Variants in NBPF26 observed in about 807,000 individuals in gnomAD.
NBPF26 encodes NBPF member 26, also known as NBPF family member NBPF26.
NBPF26 carries 79 observed loss-of-function variants against 119.6 expected under a neutral mutation model. That is an observed-to-expected ratio of 0.66 (90% CI 0.55 to 0.80). The LOEUF (loss-of-function observed/expected upper bound fraction) is 0.80. NBPF26 is among the 30% of genes least tolerant of loss of function. The probability of loss-of-function intolerance (pLI) is 0.00; values close to 1 mark genes in which losing one functional copy is unlikely to be tolerated. For synonymous variants in NBPF26, 299 were observed against 457.7 expected (o/e 0.65, Z 4.43); for missense variants, 800 against 1,198.2 (o/e 0.67, Z 4.91).
chr1:120,838,514 G>T (rs1407382871), intron 27 of NBPF26, among the ~76,000 whole-genome samples: 12 of 61,080 alleles, frequency 2.0e-4, no homozygotes, highest in African/African-American at 7.4e-4. Flanking sequence ...CTCTCTGTGT[G>T]TGTGTGTGTG....
intron 1 of NBPF26, among the ~76,000 whole-genome samples, chr1:120,752,554 ATTTTTTT>A (rs1188849971): frequency 1.3e-3 from 5 of 3,746 alleles, no homozygotes; most frequent in East Asian, 9.6e-3. Context: ...ATATATATAT[ATTTTTTT>A]TTTTTTTTTT....
chr1:120,792,406 T>C (rs1651501726), intron 3 of NBPF26, among the ~76,000 whole-genome samples: 1 of 81,818 alleles, frequency 1.2e-5, no homozygotes, highest in Non-Finnish European at 2.2e-5. Flanking sequence ...CGCACATGTA[T>C]GTATGTGAGG....
chr1:120,801,826 CAAAAAAAAAAA>C (rs1168359637), intron 4 of NBPF26, among the ~76,000 whole-genome samples: 1 of 9,080 alleles, frequency 1.1e-4, no homozygotes, highest in East Asian at 2.5e-3. Context: ...GACCCTGTCT[CAAAAAAAAAAA>C]AAAAAAAAAA....
downstream of NBPF26, chr1:120,840,722 C>G (rs1652502208): frequency 3.3e-6 from 4 of 1,210,858 alleles, 1 homozygote; most frequent in African/African-American, 2.8e-5. Flanking sequence ...TGGCTCTATT[C>G]CTATTCTCAA....
chr1:120,754,108 CA>C (rs1296826715), intron 1 of NBPF26, among the ~76,000 whole-genome samples: 1 of 66,114 alleles, frequency 1.5e-5, no homozygotes, highest in East Asian at 3.7e-4. Context: ...GAGGCTGAGG[CA>C]GGAGAATGGC....
chr1:120,784,529 C>T (rs1305304047), intron 2 of NBPF26, among the ~76,000 whole-genome samples: 1 of 117,288 alleles, frequency 8.5e-6, no homozygotes, highest in Non-Finnish European at 1.6e-5. Flanking sequence ...TGATTACTCT[C>T]ACCTTATTTA....
At chr1:120,750,693 C>CT (rs1187656759) in intron 1 of NBPF26, among the ~76,000 whole-genome samples, 1 of 110,676 alleles carries the variant, frequency 9.0e-6, no homozygotes, top group Non-Finnish European at 1.7e-5. Flanking sequence ...AAGGTTGCTG[C>CT]TTTTGGGGTA....
At chr1:120,821,903 G>A (rs1321016439) in intron 15 of NBPF26, among the ~76,000 whole-genome samples, 2 of 121,660 alleles carry the variant, frequency 1.6e-5, no homozygotes, top group Admixed American at 7.9e-5. Context: ...CTGAGCACAC[G>A]CTGCCCATTT....
In NBPF26 at chr1:120,812,139, C is replaced by G. The variant is rs1306876600; in HGVS notation, c.1774+44C>G. On this transcript the variant is annotated intron_variant, in intron 10 of 29. Transcript: ENST00000620612. ...CCATCACGAAAGTGATGAACGAGGT[C>G]CTGTCTTCTCTCTGAGACACTAAAT... 5 of 1,003,636 alleles carry G rather than the reference C, an allele frequency of 5.0e-6. 1 individual carries two copies. In the African/African-American group the frequency reaches 1.3e-4, roughly 26 times the overall value. 62.2% of individuals were successfully genotyped at this position (1,003,636 alleles called of 1,614,324 possible).
Position 120,756,057 on chromosome 1 carries a change from G to C in NBPF26, c.74-7571G>C, listed in dbSNP as rs1445817419. On this transcript the variant is annotated intron_variant, in intron 1 of 29. Coordinates refer to ENST00000620612, the Ensembl canonical transcript of NBPF26. Reference sequence around the variant, plus strand: ...GATTTGAAGCTTCCGCACTTCTTCTGTTTGTTTGGATTTTTTTTTCATGGC... The same window carrying C: ...GATTTGAAGCTTCCGCACTTCTTCTCTTTGTTTGGATTTTTTTTTCATGGC... Among the ~76,000 whole-genome samples the C allele has an allele frequency of 9.9e-5, 11 of 110,918 alleles. 5 individuals are homozygous for C. Among genetic ancestry groups the C allele is most frequent in the African/African-American group, 6.0e-4 (11 of 18,424 alleles). The allele number at this position is 110,918 out of a possible 152,430, so 72.8% of individuals were successfully genotyped here.
chr1:120,776,520 A>G, intron 2 of NBPF26, among the ~76,000 whole-genome samples: 1 of 29,750 alleles, frequency 3.4e-5, no homozygotes, highest in Non-Finnish European at 5.5e-5. Flanking sequence ...AAATCTAAGA[A>G]TTCAAGAATC....
chr1:120,779,405 C>T (rs1285588504), intron 2 of NBPF26, among the ~76,000 whole-genome samples: 2 of 106,424 alleles, frequency 1.9e-5, no homozygotes, highest in Non-Finnish European at 3.6e-5. Context: ...TGGAAAAATG[C>T]TCCCCAAACC....
intron 5 of NBPF26, among the ~76,000 whole-genome samples, chr1:120,806,270 C>A (rs1651680382): frequency 8.3e-6 from 1 of 121,086 alleles, no homozygotes; most frequent in Non-Finnish European, 1.7e-5. Flanking sequence ...CCTAATAGAA[C>A]CTGTGCTATC....
chr1:120,802,322 G>A (rs1276456421), intron 4 of NBPF26, among the ~76,000 whole-genome samples: 10,246 of 125,332 alleles, frequency 0.082, 3,324 homozygotes, highest in African/African-American at 0.29. Flanking sequence ...TGATCAACTT[G>A]GGGGTAGGAC....
chr1:120,813,426 A>G (rs1428512493), intron 10 of NBPF26, among the ~76,000 whole-genome samples: 1 of 127,826 alleles, frequency 7.8e-6, no homozygotes, highest in Non-Finnish European at 1.6e-5. Context: ...TGATTTAAAA[A>G]TCAAAGATTT....
chr1:120,790,106 C>A lies in NBPF26; in HGVS notation c.416-3055C>A, dbSNP rs1351914151. Among the ~76,000 whole-genome samples, 2 of 92,744 alleles carry A rather than the reference C, an allele frequency of 2.2e-5. 1 individual carries two copies. The highest frequency in any genetic ancestry group is 3.9e-5 in the Non-Finnish European group (2 of 51,790). 60.8% of individuals were successfully genotyped at this position (92,744 alleles called of 152,430 possible). ...TCTCGGTTCACTGCAAGTTCCACCTCCCGGGTTCACGCCATTCTTCTGCCT... is the reference window on the plus strand; with the variant it reads ...TCTCGGTTCACTGCAAGTTCCACCTACCGGGTTCACGCCATTCTTCTGCCT... On this transcript the variant is annotated intron_variant, in intron 3 of 29. Coordinates refer to ENST00000620612, the Ensembl canonical transcript of NBPF26.
Position 120,764,210 on chromosome 1 carries a change from G to A in NBPF26, c.155+501G>A, listed in dbSNP as rs1449306338. ...TGCAGTGAGCTGAGACCACATCATT[G>A]CACTCTAGCCTGGGTGACAGAGCAA... is the stretch of plus-strand genomic sequence containing the variant. On this transcript the variant is annotated intron_variant, in intron 2 of 29. Coordinates refer to ENST00000620612, the Ensembl canonical transcript of NBPF26. Among the ~76,000 whole-genome samples the A allele has an allele frequency of 8.6e-5, 10 of 115,838 alleles. 4 individuals carry two copies. The highest frequency in any genetic ancestry group is 1.3e-4 in the Non-Finnish European group (8 of 59,908). The allele number at this position is 115,838 out of a possible 152,430, so 76.0% of individuals were successfully genotyped here.
At chr1:120,813,280 ATTAG>A (rs1239960191) in intron 10 of NBPF26, among the ~76,000 whole-genome samples, 7 of 126,540 alleles carry the variant, frequency 5.5e-5, no homozygotes, top group Admixed American at 1.5e-4. Context: ...AACACTATCT[ATTAG>A]TTCTTCATTC....
intron 7 of NBPF26, 100 bp from the exon 8 acceptor site, chr1:120,809,711 T>C (rs2101502742): frequency 7.2e-7 from 1 of 1,383,930 alleles, no homozygotes; most frequent in Non-Finnish European, 1.0e-6. Context: ...AGTACAATGC[T>C]GAACCATACA....
Sources: gnomAD v4.1 joint callset for allele counts (sites outside exome capture counted in the v4.1 genomes callset) on GRCh38, gnomAD v4.1.1 for gene constraint, MANE v1.5 for transcripts, NCBI Gene and HGNC (gene_info 2026-07-23, HGNC 2026-07-21) for gene names.